KIFAP3: variants seen among roughly 807,000 people sequenced by gnomAD.
KIFAP3 encodes kinesin-associated protein 3.
Under a neutral mutation model 106.5 loss-of-function variants are expected in KIFAP3, and 68 were observed. That is an observed-to-expected ratio of 0.64 (90% CI 0.53 to 0.78). The LOEUF is 0.78. Among genes scored for constraint, KIFAP3 ranks in the 30% least tolerant of loss-of-function variants. KIFAP3 has a pLI of 0.00. For missense variants in KIFAP3, 780 were observed against 941.8 expected, an observed-to-expected ratio of 0.83 and a Z score of 2.25; for synonymous variants, 320 against 311.5, an observed-to-expected ratio of 1.03 and a Z score of -0.29.
chr1:169,998,395 TATATACACAC>T (rs1445175898), intron 10 of KIFAP3, among the ~76,000 whole-genome samples: 34 of 81,340 alleles, frequency 4.2e-4, no homozygotes, highest in South Asian at 1.9e-3. Context: ...TATATATATA[TATATACACAC>T]ACACACACAC....
intron 1 of KIFAP3, among the ~76,000 whole-genome samples, chr1:170,058,950 A>C (rs1445229668): frequency 8.6e-5 from 13 of 151,232 alleles, no homozygotes; most frequent in South Asian, 2.1e-4. Flanking sequence ...AGGCAGAAAT[A>C]AAGATGTTCT....
intron 16 of KIFAP3, among the ~76,000 whole-genome samples, chr1:169,972,816 T>C (rs897363510): frequency 3.3e-5 from 5 of 151,516 alleles, no homozygotes; most frequent in African/African-American, 1.2e-4. Context: ...AAAATCTAGA[T>C]GAAAATGGGT....
At chr1:170,066,356 T>A (rs1480781183) in intron 1 of KIFAP3, among the ~76,000 whole-genome samples, 1 of 152,164 alleles carries the variant, frequency 6.6e-6, no homozygotes, top group Non-Finnish European at 1.5e-5. Flanking sequence ...TTCATATTGG[T>A]AAAACCAAAA....
chr1:170,081,410 A>T (rs1672018698), intron 1 of KIFAP3, among the ~76,000 whole-genome samples: 1 of 152,206 alleles, frequency 6.6e-6, no homozygotes, highest in South Asian at 2.1e-4. Flanking sequence ...GTGGCCTAAA[A>T]CTTAAATTTA....
upstream of KIFAP3, among the ~76,000 whole-genome samples, chr1:170,075,832 T>C (rs540040148): frequency 1.6e-4 from 24 of 152,356 alleles, no homozygotes; most frequent in African/African-American, 5.8e-4. Context: ...TAGTCCAGTT[T>C]TTTTCTACAT....
At chr1:170,074,937 G>T (rs1671868214), upstream of KIFAP3, among the ~76,000 whole-genome samples, 1 of 152,196 alleles carries the variant, frequency 6.6e-6, no homozygotes, top group Non-Finnish European at 1.5e-5. Context: ...TTTAGTTAGC[G>T]AATGCTATAC....
chr1:169,971,610 T>G (rs1386337086), intron 17 of KIFAP3, among the ~76,000 whole-genome samples: 1 of 152,008 alleles, frequency 6.6e-6, no homozygotes, highest in Non-Finnish European at 1.5e-5. Flanking sequence ...GACAATGAAG[T>G]TCCTAACGGT....
chr1:169,986,605 A>G (rs1666841326), intron 11 of KIFAP3, among the ~76,000 whole-genome samples: 1 of 152,068 alleles, frequency 6.6e-6, no homozygotes, highest in African/African-American at 2.4e-5. Flanking sequence ...TATCTGCCCA[A>G]TAAAAATTAA....
At position 170,060,584 on chromosome 1, in the gene KIFAP3, G is replaced by A. The variant is rs114607069; in HGVS notation, c.33-5148C>T. 7.2e-3 allele frequency among the ~76,000 whole-genome samples: 1,099 copies of A among 152,082 alleles called. 18 individuals carry two copies. Among genetic ancestry groups the A allele is most frequent in the African/African-American group, 0.024 (1,004 of 41,482 alleles). On this transcript the variant is annotated intron_variant, in intron 1 of 19. Coordinates refer to ENST00000361580, the MANE Select transcript of KIFAP3 (RefSeq NM_014970.4). ...TCAATATCGTGAAAATGGCCATACC[G>A]CCTAGGTAATTTATAGATTCAATGA...
intron 2 of KIFAP3, among the ~76,000 whole-genome samples, chr1:170,049,697 G>A (rs983372513): frequency 2.6e-5 from 4 of 152,084 alleles, no homozygotes; most frequent in African/African-American, 9.7e-5. Flanking sequence ...AGGAGGACGG[G>A]GTCTGGAGTG....
intron 1 of KIFAP3, among the ~76,000 whole-genome samples, chr1:170,060,608 G>C (rs920909733): frequency 1.3e-5 from 2 of 152,134 alleles, no homozygotes; most frequent in Non-Finnish European, 2.9e-5. Context: ...TAGATTCAAT[G>C]ACATCCCCAT....
chr1:169,998,393 T>C (rs2485464), intron 10 of KIFAP3, among the ~76,000 whole-genome samples: 51 of 108,856 alleles, frequency 4.7e-4, no homozygotes, highest in Middle Eastern at 4.8e-3. Context: ...TATATATATA[T>C]ATATATACAC....
chr1:169,937,017 G>A (rs1386005814), intron 19 of KIFAP3, among the ~76,000 whole-genome samples: 1 of 149,776 alleles, frequency 6.7e-6, no homozygotes, highest in African/African-American at 2.4e-5. Flanking sequence ...GGCAGAAACA[G>A]GTAAAAGACC....
At chr1:169,971,140 A>T (rs1358393819) in intron 17 of KIFAP3, among the ~76,000 whole-genome samples, 1 of 152,022 alleles carries the variant, frequency 6.6e-6, no homozygotes, top group Non-Finnish European at 1.5e-5. Flanking sequence ...TTAATCTGTA[A>T]ATCTAAACAT....
chr1:169,992,361 A>G, intron 10 of KIFAP3, 106 bp from the exon 11 acceptor site: 1 of 473,892 alleles, frequency 2.1e-6, no homozygotes, highest in Non-Finnish European at 3.5e-6. Context: ...ATCTTTATAT[A>G]AACTTAATCT....
intron 8 of KIFAP3, among the ~76,000 whole-genome samples, chr1:170,027,933 T>C (rs1208742918): frequency 2.0e-5 from 3 of 151,970 alleles, no homozygotes; most frequent in African/African-American, 4.8e-5. Context: ...TATATTAATA[T>C]ATAGACAAAG....
intron 10 of KIFAP3, among the ~76,000 whole-genome samples, chr1:170,000,037 A>C (rs188002940): frequency 6.6e-6 from 1 of 152,242 alleles, no homozygotes; most frequent in East Asian, 1.9e-4. Context: ...TTTGAATTTT[A>C]AAATGTCTTC....
At chr1:170,016,256 T>G (rs1316958859) in intron 10 of KIFAP3, among the ~76,000 whole-genome samples, 3 of 152,222 alleles carry the variant, frequency 2.0e-5, no homozygotes, top group Admixed American at 2.0e-4. Context: ...GGGTTAAAAG[T>G]TGCTATTTTA....
intron 19 of KIFAP3, among the ~76,000 whole-genome samples, chr1:169,928,699 C>CAAAAAAAAAAAAAAAAA (rs10690029): frequency 5.3e-5 from 2 of 37,778 alleles, no homozygotes; most frequent in African/African-American, 1.4e-4. Context: ...ACCCTGTCTC[C>CAAAAAAAAAAAAAAAAA]AAAAAAAAAA....
Sources: gnomAD v4.1 joint callset for allele counts (sites outside exome capture counted in the v4.1 genomes callset) on GRCh38, gnomAD v4.1.1 for gene constraint, MANE v1.5 for transcripts, NCBI Gene and HGNC (gene_info 2026-07-23, HGNC 2026-07-21) for gene names.